Variants in TNRC6A observed in about 807,000 individuals in gnomAD.
TNRC6A encodes trinucleotide repeat-containing gene 6A protein.
Under a neutral mutation model 221.2 loss-of-function variants are expected in TNRC6A, and 44 were observed. That is an observed-to-expected ratio of 0.20 (90% confidence interval 0.16 to 0.26). TNRC6A has a LOEUF of 0.26. Among genes scored for constraint, TNRC6A ranks in the 10% least tolerant of loss-of-function variants. TNRC6A has a pLI of 1.00. For synonymous variants in TNRC6A, 847 were observed against 838.5 expected, an observed-to-expected ratio of 1.01 and a Z score of -0.18; for missense variants, 2,199 against 2,404.4, an observed-to-expected ratio of 0.91 and a Z score of 1.79.
chr16:24,618,599 A>G (rs111381116), intron 1 of TNRC6A, among the ~76,000 whole-genome samples: 1 of 147,274 alleles, frequency 6.8e-6, no homozygotes, highest in African/African-American at 2.5e-5. Flanking sequence ...ACCTCTATTT[A>G]TATGTATTCC....
At chr16:24,778,306 C>T (rs2057769117) in intron 5 of TNRC6A, 1 of 984,990 alleles carries the variant, frequency 1.0e-6, no homozygotes, top group Admixed American at 6.1e-5. Context: ...ATACCAAGAA[C>T]TACTCTGTAC....
chr16:24,613,172 C>T (rs1046821767), intron 1 of TNRC6A, among the ~76,000 whole-genome samples: 29 of 142,770 alleles, frequency 2.0e-4, no homozygotes, highest in African/African-American at 6.7e-4. Flanking sequence ...ACTTCAGTTG[C>T]GGGGGCATAA....
intron 1 of TNRC6A, among the ~76,000 whole-genome samples, chr16:24,625,523 A>G (rs1296814124): frequency 6.6e-6 from 1 of 152,070 alleles, no homozygotes; most frequent in Non-Finnish European, 1.5e-5. Flanking sequence ...CAGGAGATCG[A>G]GACCATCCTG....
chr16:24,757,612 C>G (rs553977769), intron 3 of TNRC6A, among the ~76,000 whole-genome samples: 1 of 152,104 alleles, frequency 6.6e-6, no homozygotes, highest in Non-Finnish European at 1.5e-5. Flanking sequence ...CTAGTCACCT[C>G]GAGTTAACCC....
chr16:24,763,117 T>C (rs939073856), intron 4 of TNRC6A, among the ~76,000 whole-genome samples: 1 of 152,204 alleles, frequency 6.6e-6, no homozygotes, highest in Non-Finnish European at 1.5e-5. Flanking sequence ...ACAAGAGTTT[T>C]GAGAGCCAAG....
At position 24,823,678 on chromosome 16, in the gene TNRC6A, G is replaced by A. The variant is rs773729645; in HGVS notation, c.5760G>A (p.Gly1920=). Reference sequence around the variant, plus strand: ...ACCTTCACGGCACTTCACTCTGGGGGACCCCGCATTATTCCACAAGCCTGT... The same window carrying A: ...ACCTTCACGGCACTTCACTCTGGGGAACCCCGCATTATTCCACAAGCCTGT... ...CGDLHGTSLW[G]TPHYSTSLWG... The change falls in exon 25 of 25, where the codon GGG becomes GGA. Residue 1920 remains glycine (G), a synonymous_variant. Transcript: ENST00000395799. This position sits in a 1 kb window ranked among gnomAD's most constrained non-coding sequence, Gnocchi z 4.3. 1.2e-6 allele frequency: 2 copies of A among 1,610,322 alleles called. No individual in the cohort carries two copies. Among genetic ancestry groups the A allele is most frequent in the Non-Finnish European group, 1.7e-6 (2 of 1,177,546 alleles).
At chr16:24,764,294 T>C (rs2057425145) in intron 4 of TNRC6A, among the ~76,000 whole-genome samples, 1 of 152,028 alleles carries the variant, frequency 6.6e-6, no homozygotes, top group African/African-American at 2.4e-5. Context: ...ATAATATTCC[T>C]TTGTATATAT....
In TNRC6A at chr16:24,822,305, G is replaced by T. The variant is rs16974098; in HGVS notation, c.5373+158G>T. On this transcript the variant is annotated intron_variant, in intron 23 of 24. Coordinates refer to ENST00000395799, the MANE Select transcript of TNRC6A (RefSeq NM_014494.4). ...TGTAGACCTCAGGCAGGCTGTGGTCGAATCTGGTGGTTCACGCTGTAATGT... is the reference window on the plus strand; with the variant it reads ...TGTAGACCTCAGGCAGGCTGTGGTCTAATCTGGTGGTTCACGCTGTAATGT... 6.6e-3 allele frequency among the ~76,000 whole-genome samples: 1,005 copies of T among 152,276 alleles called. 7 individuals carry two copies. Among genetic ancestry groups the T allele is most frequent in the Admixed American group, 0.013 (199 of 15,306 alleles).
At chr16:24,776,235 G>T in intron 4 of TNRC6A, 1 of 981,850 alleles carries the variant, frequency 1.0e-6, no homozygotes, top group Non-Finnish European at 1.2e-6. Flanking sequence ...TCTTTTATGA[G>T]TCAAAAATTT....
chr16:24,753,512 C>T (rs1397300726), intron 3 of TNRC6A, among the ~76,000 whole-genome samples: 1 of 152,194 alleles, frequency 6.6e-6, no homozygotes, highest in African/African-American at 2.4e-5. Context: ...TTGAATACAA[C>T]CTGTCGGTGA....
At chr16:24,792,990 T>C (rs1164993351) in intron 6 of TNRC6A, among the ~76,000 whole-genome samples, 1 of 152,118 alleles carries the variant, frequency 6.6e-6, no homozygotes, top group African/African-American at 2.4e-5. Context: ...GGTTTTGCCA[T>C]GTTGCCCAGG....
chr16:24,681,196 T>C (rs1266746837), intron 2 of TNRC6A, among the ~76,000 whole-genome samples: 1 of 152,110 alleles, frequency 6.6e-6, no homozygotes, highest in African/African-American at 2.4e-5. Context: ...ATAAAAAGGA[T>C]CCTATTTTAT....
chr16:24,752,886 C>T (rs1460363507), intron 3 of TNRC6A, among the ~76,000 whole-genome samples: 2 of 151,958 alleles, frequency 1.3e-5, no homozygotes, highest in Non-Finnish European at 2.9e-5. Flanking sequence ...AGAGAAGAGG[C>T]CTAAGACAAT....
intron 2 of TNRC6A, among the ~76,000 whole-genome samples, chr16:24,695,912 C>T (rs1339318574): frequency 1.3e-5 from 2 of 152,132 alleles, no homozygotes; most frequent in African/African-American, 4.8e-5. Flanking sequence ...TAGACTCAAC[C>T]CCCTTGAGCT....
Position 24,729,684 on chromosome 16 carries a change from T to TCGGTGTCGGCGGTGTCGGCGGCGG in TNRC6A, c.-155_-154insTGTCGGCGGTGTCGGCGGCGGCGG. On this transcript the variant is annotated 5_prime_UTR_variant, in exon 1 of 25. Transcript: ENST00000395799. The stretch of plus-strand genomic sequence containing the variant: ...TCTGGGGCCTGCGGCGGCGGCGGTG[T>TCGGTGTCGGCGGTGTCGGCGGCGG]CGGCGGCGGCGGCGGCGGCGGCGGC... The TCGGTGTCGGCGGTGTCGGCGGCGG allele has an allele frequency of 3.2e-6, 2 of 629,588 alleles. No homozygotes were observed. The highest frequency in any genetic ancestry group is 4.5e-5 in the Admixed American group (1 of 22,014). The allele number at this position is 629,588 out of a possible 1,614,324, so 39.0% of individuals were successfully genotyped here. A position where few individuals can be genotyped will look rare whatever the true frequency, so the allele number is the denominator to read the frequency against.
chr16:24,677,335 G>A (rs1316625190), intron 2 of TNRC6A, among the ~76,000 whole-genome samples: 2 of 151,872 alleles, frequency 1.3e-5, no homozygotes, highest in African/African-American at 4.8e-5. Context: ...GCTAATTTTT[G>A]TATTTTTAGT....
At chr16:24,756,862 G>GT (rs1190031142) in intron 3 of TNRC6A, among the ~76,000 whole-genome samples, 2 of 152,118 alleles carry the variant, frequency 1.3e-5, no homozygotes, top group African/African-American at 4.8e-5. Flanking sequence ...AATTGTGAAA[G>GT]AGACCAGGAG....
At chr16:24,770,284 GC>G (rs1460668828) in intron 4 of TNRC6A, among the ~76,000 whole-genome samples, 1 of 152,130 alleles carries the variant, frequency 6.6e-6, no homozygotes, top group African/African-American at 2.4e-5. Context: ...GTAGAGAGGG[GC>G]CATGCCAAGG....
At chr16:24,736,674 G>T (rs369245419) in intron 2 of TNRC6A, among the ~76,000 whole-genome samples, 35 of 152,314 alleles carry the variant, frequency 2.3e-4, no homozygotes, top group African/African-American at 8.4e-4. Flanking sequence ...CATAGGTGAT[G>T]ATGTGTTTGT....
Sources: gnomAD v4.1 joint callset for allele counts (sites outside exome capture counted in the v4.1 genomes callset) on GRCh38, gnomAD v4.1.1 for gene constraint, Gnocchi (gnomAD v3.1) non-coding constraint, MANE v1.5 for transcripts, NCBI Gene and HGNC (gene_info 2026-07-23, HGNC 2026-07-21) for gene names.